FRMPD4: variants seen among roughly 807,000 people sequenced by gnomAD.
The protein encoded by FRMPD4 is FERM and PDZ domain containing 4.
A neutral mutation model predicts 94.1 loss-of-function variants in FRMPD4; 22 were observed. The ratio of observed to expected loss-of-function variants is 0.23; its 90% CI spans 0.17 to 0.33. The LOEUF is 0.33. Among genes scored for constraint, FRMPD4 ranks in the 10% least tolerant of loss-of-function variants. The pLI is 1.00. For synonymous variants in FRMPD4, 631 were observed against 548.6 expected (o/e 1.15, Z -2.10); for missense variants, 1,111 against 1,339.9 (o/e 0.83, Z 2.67).
chrX:12,588,491 G>A (rs776632129), intron 2 of FRMPD4, among the ~76,000 whole-genome samples: 3 of 112,329 alleles, frequency 2.7e-5, no homozygotes, highest in African/African-American at 9.7e-5. Context: ...TATGTAAGTC[G>A]ATAAAGGTGA....
intron 1 of FRMPD4, among the ~76,000 whole-genome samples, chrX:12,383,686 A>G (rs763280091): frequency 1.8e-5 from 2 of 111,820 alleles, no homozygotes; most frequent in Admixed American, 9.5e-5. Context: ...TGAATGAATG[A>G]GTGTTAATGA....
chrX:12,417,436 G>A (rs1194776506), intron 1 of FRMPD4, among the ~76,000 whole-genome samples: 8 of 108,233 alleles, frequency 7.4e-5, no homozygotes, highest in South Asian at 4.2e-4. Flanking sequence ...AAAATTAGCC[G>A]GGTATGGTGG....
At chrX:12,052,708 C>CA (rs973279067) in intron 3 of FRMPD4, among the ~76,000 whole-genome samples, 11 of 106,472 alleles carry the variant, frequency 1.0e-4, no homozygotes, top group East Asian at 2.9e-4. Context: ...TTTTGTGTCT[C>CA]AAAAAAAAAA....
intron 1 of FRMPD4, among the ~76,000 whole-genome samples, chrX:12,369,539 T>A (rs1250476005): frequency 8.9e-6 from 1 of 112,519 alleles, no homozygotes; most frequent in Non-Finnish European, 1.9e-5. Flanking sequence ...AATTATACAA[T>A]GTAAGAAGTG....
chrX:11,874,024 G>T (rs1354977047), intron 2 of FRMPD4, among the ~76,000 whole-genome samples: 2 of 111,539 alleles, frequency 1.8e-5, no homozygotes, highest in African/African-American at 3.3e-5. Context: ...CCAGCCTGGG[G>T]AACAAGGTGA....
chrX:12,313,794 C>G (rs1397470873), intron 1 of FRMPD4, among the ~76,000 whole-genome samples: 1 of 111,374 alleles, frequency 9.0e-6, no homozygotes, highest in Non-Finnish European at 1.9e-5. Flanking sequence ...GAATCTGGTA[C>G]CTGACTTGTG....
chrX:12,547,630 A>G, intron 2 of FRMPD4, among the ~76,000 whole-genome samples: 1 of 112,446 alleles, frequency 8.9e-6, no homozygotes, highest in East Asian at 2.8e-4. Context: ...GATAAAAAAG[A>G]ATACAGAAAG....
At chrX:12,568,483 A>C (rs1329577344) in intron 2 of FRMPD4, among the ~76,000 whole-genome samples, 1 of 112,221 alleles carries the variant, frequency 8.9e-6, no homozygotes, top group Non-Finnish European at 1.9e-5. Context: ...TTTCCATATC[A>C]ACACACAAAG....
rs975242651 is a variant in FRMPD4 at position 12,720,916 on chromosome X, G to A, written c.4347G>A (p.Gly1449=). ...AAAGGCGAGCAGAACTCCCCCTGGG[G>A]AGGAAGCTCACCAAAAGTTTTTCCC... ...SSERRAELPL[G]RKLTKSFSQS... Residue 1449 remains glycine, a synonymous_variant, in exon 17 of 17, where the codon GGG becomes GGA. Transcript: ENST00000675598. The A allele has an allele frequency of 1.2e-6, 1 of 818,463 alleles. No homozygotes were observed. The highest frequency in any genetic ancestry group is 2.1e-5 in the African/African-American group (1 of 46,668). 67.5% of individuals were successfully genotyped at this position (818,463 alleles called of 1,213,427 possible). A position where few individuals can be genotyped will look rare whatever the true frequency, so the allele number is the denominator to read the frequency against.
chrX:12,063,649 T>A (rs2054899955), intron 3 of FRMPD4, among the ~76,000 whole-genome samples: 1 of 112,293 alleles, frequency 8.9e-6, no homozygotes, highest in South Asian at 3.7e-4. Flanking sequence ...GCCACTCATG[T>A]GGCTAAGGTG....
intron 3 of FRMPD4, among the ~76,000 whole-genome samples, chrX:11,891,040 G>T (rs2053870688): frequency 8.9e-6 from 1 of 112,814 alleles, no homozygotes; most frequent in Admixed American, 9.3e-5. Flanking sequence ...GCCTCTTGGG[G>T]TGTCTCCAAG....
At chrX:12,201,632 T>C (rs2056631606) in intron 1 of FRMPD4, among the ~76,000 whole-genome samples, 1 of 112,134 alleles carries the variant, frequency 8.9e-6, no homozygotes, top group African/African-American at 3.2e-5. Flanking sequence ...TAATATTTTC[T>C]GTACCTTCTT....
At chrX:11,952,495 C>A (rs1490221054) in intron 3 of FRMPD4, among the ~76,000 whole-genome samples, 1 of 112,179 alleles carries the variant, frequency 8.9e-6, no homozygotes, top group Non-Finnish European at 1.9e-5. Flanking sequence ...TTCCCCAGAG[C>A]CCAATTGTAA....
intron 1 of FRMPD4, among the ~76,000 whole-genome samples, chrX:12,253,714 G>A (rs1455848812): frequency 9.0e-6 from 1 of 111,534 alleles, no homozygotes; most frequent in Non-Finnish European, 1.9e-5. Flanking sequence ...GGGAGGTACA[G>A]GTTTCAGGAA....
At chrX:12,289,516 C>A (rs1360112244) in intron 1 of FRMPD4, among the ~76,000 whole-genome samples, 1 of 111,905 alleles carries the variant, frequency 8.9e-6, no homozygotes, top group Non-Finnish European at 1.9e-5. Context: ...GCAGATAGAA[C>A]ATTTCCCTCC....
At chrX:12,615,106 G>A (rs1232985897) in intron 4 of FRMPD4, among the ~76,000 whole-genome samples, 1 of 112,185 alleles carries the variant, frequency 8.9e-6, no homozygotes, top group Non-Finnish European at 1.9e-5. Flanking sequence ...AACATTGAAG[G>A]TACATATGCC....
At chrX:12,445,183 A>ATGGT (rs761753835) in intron 1 of FRMPD4, among the ~76,000 whole-genome samples, 93 of 112,136 alleles carry the variant, frequency 8.3e-4, no homozygotes, top group Non-Finnish European at 1.0e-3. Context: ...AGAGTGGTCC[A>ATGGT]TGGTTGGGCA....
At chrX:11,965,541 A>C (rs1487727644) in intron 3 of FRMPD4, among the ~76,000 whole-genome samples, 2 of 112,051 alleles carry the variant, frequency 1.8e-5, no homozygotes, top group Non-Finnish European at 3.8e-5. Flanking sequence ...CAAAGCTGTT[A>C]GTTCTCCAGG....
At chrX:11,829,417 A>C (rs2053462531) in intron 1 of FRMPD4, among the ~76,000 whole-genome samples, 1 of 111,583 alleles carries the variant, frequency 9.0e-6, no homozygotes, top group African/African-American at 3.3e-5. Flanking sequence ...AACTAGGAAA[A>C]TCTTTTCTCA....
Sources: gnomAD v4.1 joint callset for allele counts (sites outside exome capture counted in the v4.1 genomes callset) on GRCh38, gnomAD v4.1.1 for gene constraint, MANE v1.5 for transcripts, NCBI Gene and HGNC (gene_info 2026-07-23, HGNC 2026-07-21) for gene names.